OSBPL8: variants seen among roughly 807,000 people sequenced by gnomAD.
The protein encoded by OSBPL8 is oxysterol binding protein like 8.
In OSBPL8, 59 loss-of-function variants were observed where a neutral mutation model predicts 125.5. The observed-to-expected ratio is 0.47, with a 90% CI of 0.38 to 0.58. The LOEUF (loss-of-function observed/expected upper bound fraction) is 0.58, where lower values mean the gene tolerates loss of function less well. OSBPL8 is among the 20% of genes least tolerant of loss of function. OSBPL8 has a pLI of 0.00. For synonymous variants in OSBPL8, 330 were observed against 338.9 expected (o/e 0.97, Z 0.29); for missense variants, 758 against 1,047.8 (o/e 0.72, Z 3.82).
chr12:76,504,489 G>C (rs774395378), intron 1 of OSBPL8, among the ~76,000 whole-genome samples: 3 of 152,172 alleles, frequency 2.0e-5, no homozygotes, highest in Non-Finnish European at 4.4e-5. Flanking sequence ...GTATTTGGAA[G>C]GTGGAAGAGA....
intron 18 of OSBPL8, among the ~76,000 whole-genome samples, chr12:76,372,609 T>A (rs928376844): frequency 1.3e-5 from 2 of 152,138 alleles, no homozygotes; most frequent in South Asian, 2.1e-4. Context: ...CTAACTTCAC[T>A]TTCTCATATT....
At chr12:76,552,311 AG>A (rs1565993217) in intron 1 of OSBPL8, among the ~76,000 whole-genome samples, 5 of 151,488 alleles carry the variant, frequency 3.3e-5, no homozygotes, top group Non-Finnish European at 5.9e-5. Flanking sequence ...CTGTAGTACC[AG>A]CTACTCGGAA....
chr12:76,501,476 T>C (rs1486183388), intron 1 of OSBPL8, among the ~76,000 whole-genome samples: 3 of 152,150 alleles, frequency 2.0e-5, no homozygotes, highest in Non-Finnish European at 4.4e-5. Flanking sequence ...GCCTTTATAG[T>C]GAAGATATTT....
intron 4 of OSBPL8, among the ~76,000 whole-genome samples, chr12:76,430,962 C>T (rs1565891365): frequency 6.6e-6 from 1 of 152,064 alleles, no homozygotes; most frequent in Non-Finnish European, 1.5e-5. Flanking sequence ...AACATAAAGA[C>T]AAACACAGAA....
At chr12:76,418,584 G>T (rs1023162002) in intron 4 of OSBPL8, among the ~76,000 whole-genome samples, 1 of 151,888 alleles carries the variant, frequency 6.6e-6, no homozygotes, top group Non-Finnish European at 1.5e-5. Flanking sequence ...TAATCTCAGC[G>T]CTTCGGGAGG....
intron 4 of OSBPL8, among the ~76,000 whole-genome samples, chr12:76,423,542 C>G (rs554407939): frequency 1.3e-5 from 2 of 152,080 alleles, no homozygotes; most frequent in African/African-American, 4.8e-5. Context: ...TTAAAAGCAA[C>G]TTTATTATCA....
intron 3 of OSBPL8, among the ~76,000 whole-genome samples, chr12:76,458,496 C>T (rs1025622649): frequency 6.6e-6 from 1 of 151,988 alleles, no homozygotes; most frequent in Admixed American, 6.6e-5. Flanking sequence ...TCAAGACCAG[C>T]CTGGGCAACA....
At chr12:76,539,069 G>T (rs1214568517) in intron 1 of OSBPL8, among the ~76,000 whole-genome samples, 1 of 123,650 alleles carries the variant, frequency 8.1e-6, no homozygotes. Flanking sequence ...GAGGGGGAGG[G>T]TAAGTATCCT....
chr12:76,407,444 T>G (rs1469341257), intron 5 of OSBPL8, among the ~76,000 whole-genome samples: 1 of 152,064 alleles, frequency 6.6e-6, no homozygotes, highest in Non-Finnish European at 1.5e-5. Flanking sequence ...AGAGACAGGG[T>G]CTTGTCATGT....
At chr12:76,434,999 C>A (rs1871273713) in intron 4 of OSBPL8, among the ~76,000 whole-genome samples, 1 of 152,130 alleles carries the variant, frequency 6.6e-6, no homozygotes, top group South Asian at 2.1e-4. Flanking sequence ...AACACCACTT[C>A]AGAGTATATA....
Position 76,459,903 on chromosome 12 carries a change from G to A in OSBPL8, c.43-8C>T, listed in dbSNP as rs1874503213. On this transcript the variant is annotated splice_region_variant and splice_polypyrimidine_tract_variant and intron_variant, in intron 2 of 23. Transcript: ENST00000261183. The stretch of plus-strand genomic sequence containing the variant: ...TTTGCTATCACCAAGAAGCTTTTAA[G>A]GCAGGGTAATTGAGCAGCAAACAAA... 3.1e-6 allele frequency: 5 copies of A among 1,613,444 alleles called. No homozygotes were observed. In the South Asian group the frequency reaches 5.5e-5, roughly 18 times the overall value.
chr12:76,490,005 T>G (rs1878542027), intron 1 of OSBPL8, among the ~76,000 whole-genome samples: 1 of 152,194 alleles, frequency 6.6e-6, no homozygotes, highest in African/African-American at 2.4e-5. Flanking sequence ...AAGACCTCAG[T>G]GCAGGAAGTT....
rs907580657 is a variant in OSBPL8 at position 76,355,222 on chromosome 12, T to G, written c.*667A>C. On this transcript the variant is annotated 3_prime_UTR_variant, in exon 24 of 24. Transcript: ENST00000261183. The stretch of plus-strand genomic sequence containing the variant: ...CTGATATACACGTAAGTATATATAT[T>G]TACCTGCATCTACAAATATTAAATT... 23 of 152,522 alleles carry G rather than the reference T, an allele frequency of 1.5e-4. No homozygotes were observed. The highest frequency in any genetic ancestry group is 5.5e-4 in the African/African-American group (23 of 41,450). The allele number at this position is 152,522 out of a possible 1,614,324, so 9.4% of individuals were successfully genotyped here. A position where few individuals can be genotyped will look rare whatever the true frequency, so the allele number is the denominator to read the frequency against.
intron 4 of OSBPL8, among the ~76,000 whole-genome samples, chr12:76,443,066 T>C (rs1232457735): frequency 6.6e-6 from 1 of 152,196 alleles, no homozygotes; most frequent in Non-Finnish European, 1.5e-5. Context: ...TAAAAACAGA[T>C]ATTTTAATTT....
intron 2 of OSBPL8, among the ~76,000 whole-genome samples, chr12:76,476,042 G>A (rs1876767277): frequency 6.6e-6 from 1 of 152,112 alleles, no homozygotes; most frequent in Non-Finnish European, 1.5e-5. Flanking sequence ...ACAGTTTATG[G>A]ATAAGAAGTG....
In OSBPL8 at chr12:76,528,002, C is replaced by T. The variant is rs183446295; in HGVS notation, c.-68+31395G>A. On this transcript the variant is annotated intron_variant, in intron 1 of 23. Transcript: ENST00000261183. ...CTTAACTGCTACCAAATACAACCCC[C>T]TGTAGCATTTTACCTTCTAATATAT... Among the ~76,000 whole-genome samples the T allele has an allele frequency of 6.6e-5, 10 of 152,264 alleles. No individual in the cohort carries two copies. In the East Asian group the frequency reaches 1.4e-3, roughly 21 times the overall value.
chr12:76,369,085 A>G (rs1952521982), intron 21 of OSBPL8, 129 bp downstream of exon 21: 3 of 1,214,814 alleles, frequency 2.5e-6, no homozygotes, highest in Middle Eastern at 3.1e-4. Context: ...TGGGGTAAGA[A>G]GAGTTCAGAG....
In OSBPL8 at chr12:76,483,660, C is replaced by CTTTTTTT. The variant is rs869202382; in HGVS notation, c.42+3843_42+3849dup. ...CTCACCCCAAGATCACTGTAATAGT[C>CTTTTTTT]TTTTTTTTTTTTTTTTTTTTTTTTT... On this transcript the variant is annotated intron_variant, in intron 2 of 23. Transcript: ENST00000261183. Among the ~76,000 whole-genome samples the CTTTTTTT allele has an allele frequency of 4.2e-4, 24 of 57,454 alleles. 4 individuals are homozygous for CTTTTTTT. The highest frequency in any genetic ancestry group is 8.8e-4 in the African/African-American group (11 of 12,528). The allele number at this position is 57,454 out of a possible 152,430, so 37.7% of individuals were successfully genotyped here. A position where few individuals can be genotyped will look rare whatever the true frequency, so the allele number is the denominator to read the frequency against.
At chr12:76,508,241 G>A (rs1352495495) in intron 1 of OSBPL8, among the ~76,000 whole-genome samples, 1 of 152,026 alleles carries the variant, frequency 6.6e-6, no homozygotes, top group Non-Finnish European at 1.5e-5. Context: ...ATTTCACTCT[G>A]CAATTTTGAC....
Sources: allele counts gnomAD v4.1 joint callset (sites outside exome capture counted in the v4.1 genomes callset), GRCh38; gene constraint gnomAD v4.1.1; transcripts MANE v1.5; gene names NCBI Gene and HGNC (gene_info 2026-07-23, HGNC 2026-07-21).